Variants in SLC12A3 observed in about 807,000 individuals in gnomAD.
The protein encoded by SLC12A3 is solute carrier family 12 member 3.
In SLC12A3, 104 loss-of-function variants were observed where a neutral mutation model predicts 121.0. The observed-to-expected ratio is 0.86, with a 90% CI of 0.73 to 1.01. SLC12A3 has a LOEUF of 1.01. Ranked by LOEUF, SLC12A3 falls within the 50% of genes least tolerant of loss-of-function variation. SLC12A3 has a pLI of 0.00. For synonymous variants in SLC12A3, 536 were observed against 533.4 expected (o/e 1.00, Z -0.07); for missense variants, 1,328 against 1,356.3 (o/e 0.98, Z 0.33).
intron 25 of SLC12A3, among the ~76,000 whole-genome samples, chr16:56,911,348 CAG>C (rs1386846031): frequency 6.9e-6 from 1 of 143,984 alleles, no homozygotes; most frequent in African/African-American, 2.5e-5. Flanking sequence ...TGTTTTGAGA[CAG>C]AGTCTCACTC....
intron 20 of SLC12A3, among the ~76,000 whole-genome samples, chr16:56,892,450 T>G (rs576251543): frequency 6.6e-6 from 1 of 152,200 alleles, no homozygotes; most frequent in Admixed American, 6.5e-5. Flanking sequence ...AGTGAGACCC[T>G]GTCTCAAAAA....
chr16:56,913,133 A>C, intron 25 of SLC12A3, 131 bp from the exon 26 acceptor site: 1 of 1,192,302 alleles, frequency 8.4e-7, no homozygotes. Flanking sequence ...TGGGGAGGTC[A>C]TTCTTAGGGT....
At chr16:56,874,247 C>T (rs1438508151) in intron 8 of SLC12A3, among the ~76,000 whole-genome samples, 1 of 152,218 alleles carries the variant, frequency 6.6e-6, no homozygotes, top group East Asian at 1.9e-4. Flanking sequence ...TGAGCAGTAG[C>T]ACAAAGTGCT....
chr16:56,876,890 T>C (rs1203116133), intron 8 of SLC12A3, among the ~76,000 whole-genome samples: 1 of 152,222 alleles, frequency 6.6e-6, no homozygotes, highest in Non-Finnish European at 1.5e-5. Flanking sequence ...CCTGTGTTGC[T>C]GCACCCAGGA....
intron 14 of SLC12A3, among the ~76,000 whole-genome samples, chr16:56,884,512 G>T (rs759946553): frequency 9.9e-5 from 15 of 152,230 alleles, no homozygotes; most frequent in African/African-American, 1.7e-4. Flanking sequence ...CCCAAGAGGG[G>T]CCAGCAGGCT....
chr16:56,880,912 A>G (rs1379892891), intron 12 of SLC12A3, among the ~76,000 whole-genome samples: 1 of 152,216 alleles, frequency 6.6e-6, no homozygotes, highest in East Asian at 1.9e-4. Flanking sequence ...TGTGTCTCAG[A>G]TGGGCAGGAA....
chr16:56,880,004 A>C (rs1316759619), intron 11 of SLC12A3, 126 bp from the exon 12 acceptor site: 4 of 1,191,294 alleles, frequency 3.4e-6, no homozygotes, highest in Non-Finnish European at 4.8e-6. Flanking sequence ...TAATAGAAAC[A>C]GACACCAGGA....
intron 8 of SLC12A3, among the ~76,000 whole-genome samples, chr16:56,877,312 C>T (rs1031459083): frequency 1.3e-5 from 2 of 151,960 alleles, no homozygotes; most frequent in Admixed American, 6.6e-5. Flanking sequence ...AGGAGAATTG[C>T]TTGAACCCAG....
chr16:56,901,586 C>T (rs531845121), intron 23 of SLC12A3, among the ~76,000 whole-genome samples: 9 of 152,254 alleles, frequency 5.9e-5, no homozygotes, highest in African/African-American at 1.7e-4. Context: ...GTGATCCGCC[C>T]GCCTCGGCCT....
Position 56,887,999 on chromosome 16 carries a change from G to A in SLC12A3, c.2253G>A (p.Pro751=), listed in dbSNP as rs776382586. ...AGAAGAACTGGCAGTCGGCTCACCC[G>A]GCCACAGTGGAAGACTACATTGGCA... ...GFKKNWQSAH[P]ATVEDYIGIL... is the part of the protein sequence containing the mutation. The change falls in exon 18 of 26, where the codon CCG becomes CCA. Residue 751 remains proline (P), a synonymous_variant. Transcript: ENST00000563236. The A allele has an allele frequency of 6.8e-5, 110 of 1,611,566 alleles. No individual in the cohort carries two copies. The highest frequency in any genetic ancestry group is 8.1e-5 in the Non-Finnish European group (96 of 1,178,632).
chr16:56,907,589 T>C (rs2055624498), intron 25 of SLC12A3, among the ~76,000 whole-genome samples: 2 of 152,250 alleles, frequency 1.3e-5, no homozygotes, highest in African/African-American at 4.8e-5. Context: ...CTCATGGTTC[T>C]AGAGGCTGGG....
At chr16:56,869,952 C>G in intron 4 of SLC12A3, 128 bp downstream of exon 4, 1 of 1,368,432 alleles carries the variant, frequency 7.3e-7, no homozygotes, top group South Asian at 1.2e-5. Context: ...GGGCTCTAGG[C>G]AGGCTGTCTA....
At chr16:56,888,542 T>A (rs1330185457) in intron 18 of SLC12A3, among the ~76,000 whole-genome samples, 1 of 144,796 alleles carries the variant, frequency 6.9e-6, no homozygotes, top group Non-Finnish European at 1.5e-5. Context: ...TGTTGCCAGA[T>A]CTTTTAATTT....
In SLC12A3 at chr16:56,879,177, G is replaced by A. The variant is rs780273313; in HGVS notation, c.1285G>A (p.Glu429Lys). Residue 429 changes from glutamate to lysine, a missense_variant, in exon 10 of 26, where the codon GAG becomes AAG. Physicochemically the swap from Glu to Lys is moderately conservative, Grantham distance 56. Coordinates refer to ENST00000563236, the MANE Select transcript of SLC12A3 (RefSeq NM_001126108.2). ...LACSYGWNFT[E>K]CTQQHSCHYG... The stretch of plus-strand genomic sequence containing the variant: ...CTGCAGCTATGGCTGGAACTTCACC[G>A]AGTGCACCCAGCAGCACAGCTGCCA... The A allele has an allele frequency of 6.8e-6, 11 of 1,613,088 alleles. No homozygotes were observed. The highest frequency in any genetic ancestry group is 2.2e-5 in the South Asian group (2 of 91,088).
chr16:56,902,118 T>A, intron 23 of SLC12A3: 1 of 521,036 alleles, frequency 1.9e-6, no homozygotes, highest in Non-Finnish European at 3.5e-6. Context: ...AATCATGCTC[T>A]GTAAATACCT....
At chr16:56,878,041 T>TCCCCCCCCCCCCCCCCCCCCCC in intron 8 of SLC12A3, 36 bp from the exon 9 acceptor site, 4 of 393,172 alleles carry the variant, frequency 1.0e-5, no homozygotes, top group South Asian at 4.2e-5. Context: ...CCTCTCTCCC[T>TCCCCCCCCCCCCCCCCCCCCCC]CCCTCCCTCC....
chr16:56,882,515 C>T lies in SLC12A3; in HGVS notation c.1669+18C>T, dbSNP rs371799270. 5 of 1,599,680 alleles carry T rather than the reference C, an allele frequency of 3.1e-6. No individual in the cohort carries two copies. The East Asian group carries it at 6.7e-5, about 21-fold the overall frequency. ...CTCGCCTGGTAAGCAAACCCTTCAC[C>T]CACCTCAGGAGGAGGCACCCAGGGG... On this transcript the variant is annotated intron_variant, in intron 13 of 25. Coordinates refer to ENST00000563236, the MANE Select transcript of SLC12A3 (RefSeq NM_001126108.2).
At position 56,890,269 on chromosome 16, in the gene SLC12A3, T is replaced by C; in HGVS notation, c.2286-5T>C. ...GAAGCTGGACCTCACCTCCTCTCTT[T>C]CCAGTGATGCCTTTGATTTCAACTA... On this transcript the variant is annotated splice_polypyrimidine_tract_variant and splice_region_variant and intron_variant, in intron 18 of 25. Transcript: ENST00000563236. The C allele has an allele frequency of 6.2e-7, 1 of 1,613,660 alleles. No homozygotes were observed. Among genetic ancestry groups the C allele is most frequent in the Non-Finnish European group, 8.5e-7 (1 of 1,179,620 alleles).
At chr16:56,868,229 G>A in intron 2 of SLC12A3, 68 bp from the exon 3 acceptor site, 1 of 1,463,678 alleles carries the variant, frequency 6.8e-7, no homozygotes, top group Non-Finnish European at 9.5e-7. Flanking sequence ...CCATAGCAAG[G>A]GACAGGGACT....
Sources: allele counts gnomAD v4.1 joint callset (sites outside exome capture counted in the v4.1 genomes callset), GRCh38; gene constraint gnomAD v4.1.1; transcripts MANE v1.5; gene names NCBI Gene and HGNC (gene_info 2026-07-23, HGNC 2026-07-21).